The following ABCA13 variants were observed in gnomAD, a reference collection of about 807,000 sequenced individuals.
The protein encoded by ABCA13 is ATP-binding cassette sub-family A member 13.
In ABCA13, 476 loss-of-function variants were observed where a neutral mutation model predicts 478.7. The observed-to-expected ratio is 0.99, with a 90% CI of 0.92 to 1.07. The LOEUF is 1.07. Ranked by LOEUF, ABCA13 falls within the 50% of genes least tolerant of loss-of-function variation. The pLI is 0.00. For missense variants in ABCA13, 6,060 were observed against 5,910.6 expected (o/e 1.03, Z -0.83); for synonymous variants, 2,252 against 2,158.9 (o/e 1.04, Z -1.20).
Position 48,278,196 on chromosome 7 carries a change from G to T in ABCA13, c.7002G>T (p.Glu2334Asp). Reference protein sequence around the residue: ...RLMNIFSSLKETIYHLMKSSF... With the variant: ...RLMNIFSSLKDTIYHLMKSSF... ...TGAACATTTTTTCAAGTTTAAAGGA[G>T]ACTATATATCACCTAATGAAAAGTT... is the stretch of plus-strand genomic sequence containing the variant. The change falls in exon 18 of 62, where the codon GAG becomes GAT. Residue 2334 changes from glutamate to aspartate, a missense_variant. By Grantham distance (45) the Glu-to-Asp change is conservative (BLOSUM62 2). Around this residue, in one of 3 missense-constraint regions of ABCA13, gnomAD observed 4,423 missense variants for 4,309.1 expected, o/e 1.03. Transcript: ENST00000435803. 6.3e-7 allele frequency: 1 copy of T among 1,590,094 alleles called. No homozygotes were observed. Among genetic ancestry groups the T allele is most frequent in the South Asian group, 1.1e-5 (1 of 87,152 alleles).
chr7:48,222,162 A>G (rs1445313471), intron 5 of ABCA13, among the ~76,000 whole-genome samples: 1 of 152,236 alleles, frequency 6.6e-6, no homozygotes, highest in Non-Finnish European at 1.5e-5. Flanking sequence ...TGACACTAGC[A>G]AAGAGTATTG....
chr7:48,179,923 G>A (rs954864123), intron 1 of ABCA13, among the ~76,000 whole-genome samples: 12 of 152,124 alleles, frequency 7.9e-5, no homozygotes, highest in African/African-American at 2.9e-4. Flanking sequence ...CTGCGTGACA[G>A]AACTTCTTAC....
At chr7:48,497,584 GTA>G (rs1167342208) in intron 48 of ABCA13, among the ~76,000 whole-genome samples, 1 of 152,210 alleles carries the variant, frequency 6.6e-6, no homozygotes, top group Non-Finnish European at 1.5e-5. Flanking sequence ...CCACCTAGAT[GTA>G]TATGTTTTGA....
intron 38 of ABCA13, among the ~76,000 whole-genome samples, chr7:48,394,654 C>T (rs1435770744): frequency 6.6e-6 from 1 of 151,930 alleles, no homozygotes; most frequent in Non-Finnish European, 1.5e-5. Flanking sequence ...AATAAGCATT[C>T]TTTGAGTTGA....
chr7:48,305,646 G>A (rs1316751627), intron 23 of ABCA13, among the ~76,000 whole-genome samples: 1 of 152,168 alleles, frequency 6.6e-6, no homozygotes, highest in Non-Finnish European at 1.5e-5. Flanking sequence ...GCAACATGGA[G>A]GCCATCTCTG....
At chr7:48,260,647 C>A (rs1794044999) in intron 15 of ABCA13, among the ~76,000 whole-genome samples, 1 of 151,956 alleles carries the variant, frequency 6.6e-6, no homozygotes, top group Admixed American at 6.6e-5. Flanking sequence ...ACCAATTTAA[C>A]CCATACTTGT....
chr7:48,202,986 G>C (rs1799022018), intron 3 of ABCA13, among the ~76,000 whole-genome samples: 1 of 152,182 alleles, frequency 6.6e-6, no homozygotes, highest in Non-Finnish European at 1.5e-5. Flanking sequence ...GGGGAGGCTT[G>C]GGCTGCACAG....
chr7:48,207,979 A>G (rs1785140784), intron 3 of ABCA13, among the ~76,000 whole-genome samples: 1 of 151,962 alleles, frequency 6.6e-6, no homozygotes, highest in African/African-American at 2.4e-5. Flanking sequence ...TTTTTTTAAT[A>G]TGGCAAGAGA....
rs754979383 is a variant in ABCA13 at position 48,580,387 on chromosome 7, G to A, written c.14505+13G>A. 2.5e-6 allele frequency: 4 copies of A among 1,607,140 alleles called. No individual in the cohort carries two copies. The highest frequency in any genetic ancestry group is 3.4e-6 in the Non-Finnish European group (4 of 1,176,738). On this transcript the variant is annotated intron_variant, in intron 56 of 61. Transcript: ENST00000435803. ...GTGCATCCCTGAGGTAAATCTCCCT[G>A]GGGTCTTCTAGATAAAGGGACCCAT...
At chr7:48,440,197 C>T (rs536865639) in intron 42 of ABCA13, among the ~76,000 whole-genome samples, 19 of 152,224 alleles carry the variant, frequency 1.2e-4, no homozygotes, top group African/African-American at 3.9e-4. Context: ...TTCCATGGTA[C>T]ATACCTGCGT....
At chr7:48,338,496 A>G in intron 29 of ABCA13, 41 bp downstream of exon 29, 1 of 1,490,160 alleles carries the variant, frequency 6.7e-7, no homozygotes. Flanking sequence ...TTCTGCCCAT[A>G]TGGCTCTGCC....
chr7:48,477,587 G>C (rs1252492617), intron 45 of ABCA13, among the ~76,000 whole-genome samples: 1 of 152,056 alleles, frequency 6.6e-6, no homozygotes, highest in Non-Finnish European at 1.5e-5. Flanking sequence ...CATGTCTTTT[G>C]TAGGGACATG....
chr7:48,288,937 T>C (rs970363904), intron 20 of ABCA13, among the ~76,000 whole-genome samples: 1 of 152,190 alleles, frequency 6.6e-6, no homozygotes, highest in Non-Finnish European at 1.5e-5. Context: ...GTGATGTCCT[T>C]CCAACAATGC....
chr7:48,609,858 C>T (rs901445815), intron 58 of ABCA13, among the ~76,000 whole-genome samples: 1 of 152,210 alleles, frequency 6.6e-6, no homozygotes, highest in African/African-American at 2.4e-5. Flanking sequence ...ACAAGAATAG[C>T]AACAGGGAAA....
intron 35 of ABCA13, among the ~76,000 whole-genome samples, chr7:48,385,284 C>T (rs1385430764): frequency 2.0e-5 from 3 of 152,140 alleles, no homozygotes; most frequent in Non-Finnish European, 4.4e-5. Context: ...CTGATCCTCT[C>T]CCTTCTCTCA....
At chr7:48,409,299 C>T (rs1206631012) in intron 39 of ABCA13, among the ~76,000 whole-genome samples, 1 of 152,214 alleles carries the variant, frequency 6.6e-6, no homozygotes, top group East Asian at 1.9e-4. Flanking sequence ...AAAATATCTT[C>T]TAGTTTCTTT....
At chr7:48,244,207 A>C (rs1949896) in intron 10 of ABCA13, among the ~76,000 whole-genome samples, 4,518 of 152,296 alleles carry the variant, frequency 0.03, 217 homozygotes, top group African/African-American at 0.1. Flanking sequence ...CACCATCTCT[A>C]TATTTTGAAA....
At position 48,389,149 on chromosome 7, in the gene ABCA13, C is replaced by T; in HGVS notation, c.11583C>T (p.Leu3861=). The part of the protein sequence containing the change: ...YEGHKAVVQD[L]SLTFYRDQIT... ...GCCACAAGGCTGTGGTCCAAGACCTCAGCCTGACCTTCTACAGAGACCAAA... is the reference window on the plus strand; with the variant it reads ...GCCACAAGGCTGTGGTCCAAGACCTTAGCCTGACCTTCTACAGAGACCAAA... The change falls in exon 37 of 62, where the codon CTC becomes CTT. Residue 3861 remains leucine (L), a synonymous_variant. Transcript: ENST00000435803. 6.2e-7 allele frequency: 1 copy of T among 1,613,972 alleles called. No individual in the cohort carries two copies. The highest frequency in any genetic ancestry group is 8.5e-7 in the Non-Finnish European group (1 of 1,179,880).
At position 48,580,237 on chromosome 7, in the gene ABCA13, C is replaced by G; in HGVS notation, c.14368C>G (p.Leu4790Val). ...IRTPMGDAVD[L>V]SSAGTAGVLI... ...TTCTCTCTGCAGAGACGCCGTGGACCTGTCTTCTGCTGGCACGGCAGGCGT... is the reference window on the plus strand; with the variant it reads ...TTCTCTCTGCAGAGACGCCGTGGACGTGTCTTCTGCTGGCACGGCAGGCGT... Residue 4790 changes from leucine to valine, a missense_variant, in exon 56 of 62, where the codon CTG becomes GTG. Physicochemically the swap from Leu to Val is conservative, Grantham distance 32 (BLOSUM62 1). Around this residue, in one of 3 missense-constraint regions of ABCA13, gnomAD observed 1,627 missense variants for 1,571.0 expected, o/e 1.04. Coordinates refer to ENST00000435803, the MANE Select transcript of ABCA13 (RefSeq NM_152701.5). 1 of 1,610,646 alleles carries G rather than the reference C, an allele frequency of 6.2e-7. No individual in the cohort carries two copies. The highest frequency in any genetic ancestry group is 1.3e-5 in the African/African-American group (1 of 75,036).
Sources: gnomAD v4.1 joint callset for allele counts (sites outside exome capture counted in the v4.1 genomes callset) on GRCh38, gnomAD v4.1.1 for gene constraint, gnomAD v4.1.1 regional missense constraint, MANE v1.5 for transcripts, NCBI Gene and HGNC (gene_info 2026-07-23, HGNC 2026-07-21) for gene names.